Variants in FZD6 observed in about 807,000 individuals in gnomAD.
FZD6 encodes frizzled-6.
FZD6 carries 49 observed loss-of-function variants against 61.4 expected under a neutral mutation model. That is an observed-to-expected ratio of 0.80 (90% CI 0.63 to 1.01). The LOEUF (loss-of-function observed/expected upper bound fraction) is 1.01. Ranked by LOEUF, FZD6 falls within the 50% of genes least tolerant of loss-of-function variation. The pLI is 0.00. For synonymous variants in FZD6, 265 were observed against 292.2 expected (o/e 0.91, Z 0.95); for missense variants, 724 against 848.2 (o/e 0.85, Z 1.82).
chr8:103,316,169 C>T (rs1814620212), intron 2 of FZD6, among the ~76,000 whole-genome samples: 1 of 151,956 alleles, frequency 6.6e-6, no homozygotes, highest in Admixed American at 6.6e-5. Flanking sequence ...TTTTTTAATA[C>T]CCTCCCAACA....
chr8:103,301,360 T>G (rs1814165224), intron 2 of FZD6, among the ~76,000 whole-genome samples: 1 of 152,190 alleles, frequency 6.6e-6, no homozygotes, highest in Non-Finnish European at 1.5e-5. Context: ...GAACAAATGA[T>G]GCACTGAGAC....
Position 103,312,699 on chromosome 8 carries a change from A to T in FZD6, c.178-5891A>T, listed in dbSNP as rs556648261. 4.5e-4 allele frequency among the ~76,000 whole-genome samples: 69 copies of T among 152,328 alleles called. 1 individual carries two copies. The South Asian group carries it at 0.014, about 31-fold the overall frequency. On this transcript the variant is annotated intron_variant, in intron 2 of 6. Transcript: ENST00000358755. ...CTGTGAAAATATGTTCATCCCAGTTATGTTTCAACTGATTGGTATAATGAG... is the reference window on the plus strand; with the variant it reads ...CTGTGAAAATATGTTCATCCCAGTTTTGTTTCAACTGATTGGTATAATGAG...
intron 2 of FZD6, among the ~76,000 whole-genome samples, chr8:103,310,242 C>A (rs990275797): frequency 6.6e-6 from 1 of 152,100 alleles, no homozygotes; most frequent in South Asian, 2.1e-4. Flanking sequence ...ACTCCTTGAG[C>A]CTTAAGTCCT....
chr8:103,329,871 G>C lies in FZD6; in HGVS notation c.1758G>C (p.Leu586Phe). 1 of 1,614,120 alleles carries C rather than the reference G, an allele frequency of 6.2e-7. No individual in the cohort carries two copies. Among genetic ancestry groups the C allele is most frequent in the Middle Eastern group, 1.6e-4 (1 of 6,062 alleles). Residue 586 changes from leucine to phenylalanine, a missense_variant, in exon 6 of 7, where the codon TTG becomes TTC. Physicochemically the swap from Leu to Phe is conservative, Grantham distance 22 (BLOSUM62 0). Transcript: ENST00000358755. ...TSHDYLGQET[L>F]TEIQTSPETS... ...ATGATTACCTAGGACAAGAAACTTT[G>C]ACAGAAATCCAAACCTCACCAGAAA...
In FZD6 at chr8:103,331,828, C is replaced by A; in HGVS notation, c.*319C>A. The A allele has an allele frequency of 4.1e-6, 1 of 242,224 alleles. No homozygotes were observed. Among genetic ancestry groups the A allele is most frequent in the South Asian group, 5.9e-5 (1 of 16,990 alleles). 15.0% of individuals were successfully genotyped at this position (242,224 alleles called of 1,614,324 possible). On this transcript the variant is annotated 3_prime_UTR_variant, in exon 7 of 7. Coordinates refer to ENST00000358755, the MANE Select transcript of FZD6 (RefSeq NM_003506.4). ...TAAGAGTATTTTAAGATGTACTATG[C>A]TATTTTACTTTTTTGATATAAAATC...
chr8:103,329,931 C>T lies in FZD6; in HGVS notation c.1818C>T (p.Ser606=). The T allele has an allele frequency of 6.2e-7, 1 of 1,614,128 alleles. No homozygotes were observed. The highest frequency in any genetic ancestry group is 1.1e-5 in the South Asian group (1 of 91,084). ...GAGAGGTGAAAGCGGACGGAGCTAGCACCCCCAGGTTAAGAGAACAGGACT... is the reference window on the plus strand; with the variant it reads ...GAGAGGTGAAAGCGGACGGAGCTAGTACCCCCAGGTTAAGAGAACAGGACT... The part of the protein sequence containing the change: ...SMREVKADGA[S]TPRLREQDCG... Residue 606 remains serine, a synonymous_variant, in exon 6 of 7, where the codon AGC becomes AGT. Transcript: ENST00000358755.
At chr8:103,318,529 T>C in intron 2 of FZD6, 61 bp from the exon 3 acceptor site, 1 of 930,690 alleles carries the variant, frequency 1.1e-6, no homozygotes, top group Non-Finnish European at 1.8e-6. Flanking sequence ...ACAGTAAATA[T>C]ATTAATTTTA....
intron 2 of FZD6, among the ~76,000 whole-genome samples, chr8:103,306,372 C>T (rs374247078): frequency 6.6e-6 from 1 of 151,892 alleles, no homozygotes; most frequent in African/African-American, 2.4e-5. Context: ...TTGACATTCT[C>T]AAAGAATTTA....
chr8:103,323,191 C>T (rs143405657), intron 3 of FZD6, among the ~76,000 whole-genome samples: 1 of 152,132 alleles, frequency 6.6e-6, no homozygotes, highest in African/African-American at 2.4e-5. Context: ...TGAGAGTAAA[C>T]ACCGAATTTG....
chr8:103,332,749 G>A lies in FZD6; in HGVS notation c.*1240G>A, dbSNP rs746553277. On this transcript the variant is annotated 3_prime_UTR_variant, in exon 7 of 7. Coordinates refer to ENST00000358755, the MANE Select transcript of FZD6 (RefSeq NM_003506.4). The stretch of plus-strand genomic sequence containing the variant: ...CATTCTGTTAAGGCACAAAAACTAT[G>A]TACTGTATGGGAAATGTTGTAAATA... The A allele has an allele frequency of 5.9e-5, 9 of 152,494 alleles. No individual in the cohort carries two copies. The highest frequency in any genetic ancestry group is 2.0e-4 in the Admixed American group (3 of 15,266). The allele number at this position is 152,494 out of a possible 1,614,324, so 9.4% of individuals were successfully genotyped here.
intron 2 of FZD6, among the ~76,000 whole-genome samples, chr8:103,302,112 T>C (rs1814190023): frequency 6.6e-6 from 1 of 152,080 alleles, no homozygotes; most frequent in African/African-American, 2.4e-5. Context: ...GCAGTCACAA[T>C]ACCAGCATTA....
rs767708228 is a variant in FZD6, at chr8:103,331,544, G to A, written c.*35G>A. The A allele has an allele frequency of 7.2e-7, 1 of 1,394,690 alleles. No homozygotes were observed. Among genetic ancestry groups the A allele is most frequent in the Middle Eastern group, 1.8e-4 (1 of 5,670 alleles). 86.4% of individuals were successfully genotyped at this position (1,394,690 alleles called of 1,614,324 possible). On this transcript the variant is annotated 3_prime_UTR_variant, in exon 7 of 7. Coordinates refer to ENST00000358755, the MANE Select transcript of FZD6 (RefSeq NM_003506.4). ...TCTCTCGTTACTCAGAAGCAAATTT[G>A]TGTTACACTGGAAGTGACCTATGCA...
rs751323317 is a variant in FZD6 at position 103,328,289 on chromosome 8, G to C, written c.1414G>C (p.Glu472Gln). Residue 472 changes from glutamate to glutamine, a missense_variant, in exon 5 of 7, where the codon GAA becomes CAA. By Grantham distance (29) the Glu-to-Gln change is conservative. Transcript: ENST00000358755. ...PYQAKAKARP[E>Q]LALFMIKYLM... ...GTAGGCAAAAGCAAAAGCTCGACCA[G>C]AATTGGCTTTATTTATGATAAAATA... 6.8e-6 allele frequency: 11 copies of C among 1,611,932 alleles called. No individual in the cohort carries two copies. In the Admixed American group the frequency reaches 1.7e-4, roughly 24 times the overall value.
intron 2 of FZD6, among the ~76,000 whole-genome samples, chr8:103,308,458 T>C (rs1046710786): frequency 6.6e-6 from 1 of 152,128 alleles, no homozygotes. Flanking sequence ...ATCTTTCTAC[T>C]GATAACATAG....
intron 2 of FZD6, among the ~76,000 whole-genome samples, chr8:103,316,318 C>A (rs1009137097): frequency 6.6e-6 from 1 of 152,152 alleles, no homozygotes; most frequent in South Asian, 2.1e-4. Context: ...CAATCTCAAT[C>A]CCCGCTCCTT....
In FZD6 at chr8:103,329,719, A is replaced by G. The variant is rs1815065570; in HGVS notation, c.1606A>G (p.Lys536Glu). The G allele has an allele frequency of 5.0e-6, 8 of 1,611,490 alleles. No homozygotes were observed. Among genetic ancestry groups the G allele is most frequent in the Non-Finnish European group, 6.8e-6 (8 of 1,177,990 alleles). Residue 536 changes from lysine (K) to glutamate (E), a missense_variant, in exon 6 of 7, where the codon AAA becomes GAA. By Grantham distance (56) the Lys-to-Glu change is moderately conservative. Coordinates refer to ENST00000358755, the MANE Select transcript of FZD6 (RefSeq NM_003506.4). ...TGAGTTTTTCTTAAAGCACAATTCTAAAGTTAAACACAAAAAGAAGCACTA... is the reference window on the plus strand; with the variant it reads ...TGAGTTTTTCTTAAAGCACAATTCTGAAGTTAAACACAAAAAGAAGCACTA... ...SCEFFLKHNSKVKHKKKHYKP... is the reference protein window; with the variant it reads ...SCEFFLKHNSEVKHKKKHYKP...
upstream of FZD6, chr8:103,298,776 G>C (rs1382614202): frequency 1.3e-4 from 1 of 7,784 alleles, no homozygotes; most frequent in Non-Finnish European, 4.4e-4. Context: ...GGCCAGTCCC[G>C]CCGCCGCCGC....
chr8:103,303,473 T>A (rs539131328), intron 2 of FZD6, among the ~76,000 whole-genome samples: 71 of 152,352 alleles, frequency 4.7e-4, no homozygotes, highest in African/African-American at 1.7e-3. Flanking sequence ...TTACAGTGAA[T>A]CTACATGTCT....
chr8:103,300,382 T>G (rs1814126347), intron 2 of FZD6, 98 bp downstream of exon 2: 2 of 909,110 alleles, frequency 2.2e-6, no homozygotes, highest in Non-Finnish European at 3.7e-6. Flanking sequence ...GCCGATTTCT[T>G]CAAGTTGTGT....
Sources: gnomAD v4.1 joint callset for allele counts (sites outside exome capture counted in the v4.1 genomes callset) on GRCh38, gnomAD v4.1.1 for gene constraint, MANE v1.5 for transcripts, NCBI Gene and HGNC (gene_info 2026-07-23, HGNC 2026-07-21) for gene names.